ABLIM2: variants seen among roughly 807,000 people sequenced by gnomAD.
ABLIM2 encodes the protein actin-binding LIM protein 2.
Under a neutral mutation model 97.7 loss-of-function variants are expected in ABLIM2, and 53 were observed. The ratio of observed to expected loss-of-function variants is 0.54; its 90% CI spans 0.44 to 0.68. The LOEUF is 0.68. ABLIM2 is among the 30% of genes least tolerant of loss of function. ABLIM2 has a pLI of 0.00. For synonymous variants in ABLIM2, 361 were observed against 345.8 expected (o/e 1.04, Z -0.49); for missense variants, 835 against 867.2 (o/e 0.96, Z 0.47).
rs879430956 is a variant in ABLIM2, at chr4:8,140,511, CG to C, written c.10+18168del. 1.3e-5 allele frequency among the ~76,000 whole-genome samples: 2 copies of C among 151,948 alleles called. No individual in the cohort carries two copies. Among genetic ancestry groups the C allele is most frequent in the Non-Finnish European group, 2.9e-5 (2 of 67,988 alleles). On this transcript the variant is annotated intron_variant, in intron 1 of 20. Coordinates refer to ENST00000447017, the MANE Select transcript of ABLIM2 (RefSeq NM_001130083.2). The surrounding 1 kb of genome is among the most constrained non-coding windows in gnomAD (Gnocchi z 5.9). ...GCATGGGGGAAAGGGGGCAGTGACA[CG>C]GGGGCCTTGCCTGCATGTGGGAGCC...
rs548260137 is a variant in ABLIM2, at chr4:8,081,762, A to T, written c.455-960T>A. On this transcript the variant is annotated intron_variant, in intron 4 of 20. Transcript: ENST00000447017. ...GGCAGAGCGGCAGAGACGCTGTGAC[A>T]GCATCCCCAAGGGAAAGGGCCTCTC... is the stretch of plus-strand genomic sequence containing the variant. Among the ~76,000 whole-genome samples the T allele has an allele frequency of 5.6e-4, 85 of 152,288 alleles. No individual in the cohort carries two copies. In the Middle Eastern group the frequency reaches 0.02, roughly 37 times the overall value.
intron 9 of ABLIM2, among the ~76,000 whole-genome samples, chr4:8,040,352 T>C (rs964684378): frequency 1.3e-5 from 2 of 152,180 alleles, no homozygotes; most frequent in Non-Finnish European, 2.9e-5. Context: ...GGCTCACACC[T>C]GTACCCCCAG....
chr4:8,116,036 G>T (rs1435160546), intron 1 of ABLIM2, among the ~76,000 whole-genome samples: 1 of 152,220 alleles, frequency 6.6e-6, no homozygotes, highest in Non-Finnish European at 1.5e-5. Flanking sequence ...GCCTGTGGAG[G>T]ATTCTGGCTC....
rs1004928757 is a variant in ABLIM2, at chr4:7,986,005, C to T, written c.1681-1112G>A. 1.3e-5 allele frequency among the ~76,000 whole-genome samples: 2 copies of T among 152,226 alleles called. No individual in the cohort carries two copies. The highest frequency in any genetic ancestry group is 2.4e-5 in the African/African-American group (1 of 41,464). Reference sequence around the variant, plus strand: ...TTCGCACTATGAGCCCTGAGCCATGCTCTGTTGCGGTTGTGCCTTGGCTGC... The same window carrying T: ...TTCGCACTATGAGCCCTGAGCCATGTTCTGTTGCGGTTGTGCCTTGGCTGC... On this transcript the variant is annotated intron_variant, in intron 17 of 20. Transcript: ENST00000447017. This position sits in a 1 kb window ranked among gnomAD's most constrained non-coding sequence, Gnocchi z 4.3.
chr4:8,088,464 C>A (rs1377336198), intron 3 of ABLIM2, among the ~76,000 whole-genome samples, 180 bp from the exon 4 acceptor site: 1 of 152,176 alleles, frequency 6.6e-6, no homozygotes, highest in South Asian at 2.1e-4. Flanking sequence ...CGCAATAGGA[C>A]CTCAGGTAGT....
chr4:8,101,344 T>C (rs1834502310), intron 2 of ABLIM2, among the ~76,000 whole-genome samples: 1 of 152,350 alleles, frequency 6.6e-6, no homozygotes, highest in African/African-American at 2.4e-5. Flanking sequence ...ACTCGTGCCC[T>C]GTGCGGCTTA....
At position 8,088,271 on chromosome 4, in the gene ABLIM2, G is replaced by A. The variant is rs752791661; in HGVS notation, c.352C>T (p.Pro118Ser). The change falls in exon 4 of 21, where the codon CCC (proline) becomes TCC (serine). Residue 118 changes from proline to serine, a missense_variant. By Grantham distance (74) the Pro-to-Ser change is moderately conservative (BLOSUM62 -1). Coordinates refer to ENST00000447017, the MANE Select transcript of ABLIM2 (RefSeq NM_001130083.2). ...VCAVCRLPFPPGDRVTFNGKE... is the reference protein window; with the variant it reads ...VCAVCRLPFPSGDRVTFNGKE... Reference sequence around the variant, plus strand: ...CCGTTGAAGGTCACTCGGTCCCCGGGGGGGAAGGGCAGCCTGAAACAAGAG... The same window carrying A: ...CCGTTGAAGGTCACTCGGTCCCCGGAGGGGAAGGGCAGCCTGAAACAAGAG... The A allele has an allele frequency of 6.2e-6, 10 of 1,612,668 alleles. No individual in the cohort carries two copies. Among genetic ancestry groups the A allele is most frequent in the South Asian group, 3.3e-5 (3 of 90,920 alleles).
At chr4:8,096,160 C>T (rs184391675) in intron 3 of ABLIM2, among the ~76,000 whole-genome samples, 13 of 152,280 alleles carry the variant, frequency 8.5e-5, no homozygotes, top group East Asian at 5.8e-4. Flanking sequence ...TCACAGGCCT[C>T]GCCTCGCTTA....
intron 14 of ABLIM2, among the ~76,000 whole-genome samples, chr4:8,016,249 G>T (rs539952199): frequency 6.6e-6 from 1 of 152,118 alleles, no homozygotes; most frequent in Non-Finnish European, 1.5e-5. Flanking sequence ...TTGCCATGTT[G>T]GCCAGGCTGG....
rs1488207922 is a variant in ABLIM2, at chr4:8,003,703, T to C, written c.1618+4356A>G. ...GCCTCAGCCTCCCAAGTAGCTGAGA[T>C]TACAGGTATCCTCCACCATGCCTGG... On this transcript the variant is annotated intron_variant, in intron 16 of 20. Transcript: ENST00000447017. The surrounding 1 kb of genome is among the most constrained non-coding windows in gnomAD (Gnocchi z 4.2). Among the ~76,000 whole-genome samples, 1 of 151,892 alleles carries C rather than the reference T, an allele frequency of 6.6e-6. No individual in the cohort carries two copies. The highest frequency in any genetic ancestry group is 2.4e-5 in the African/African-American group (1 of 41,334).
chr4:8,113,125 C>T lies in ABLIM2; in HGVS notation c.11-6488G>A, dbSNP rs1841179674. ...TTTTTCTTCTCCTGAGGCAGGGTCTCGCTCTGTCAACCAGGCTGGAGTGCA... is the reference window on the plus strand; with the variant it reads ...TTTTTCTTCTCCTGAGGCAGGGTCTTGCTCTGTCAACCAGGCTGGAGTGCA... On this transcript the variant is annotated intron_variant, in intron 1 of 20. Coordinates refer to ENST00000447017, the MANE Select transcript of ABLIM2 (RefSeq NM_001130083.2). The surrounding 1 kb of genome is among the most constrained non-coding windows in gnomAD (Gnocchi z 4.5). Among the ~76,000 whole-genome samples the T allele has an allele frequency of 6.6e-6, 1 of 152,144 alleles. No individual in the cohort carries two copies. The highest frequency in any genetic ancestry group is 2.4e-5 in the African/African-American group (1 of 41,428).
At position 8,022,282 on chromosome 4, in the gene ABLIM2, C is replaced by G. The variant is rs1401229853; in HGVS notation, c.1268-1979G>C. Among the ~76,000 whole-genome samples the G allele has an allele frequency of 6.6e-6, 1 of 152,188 alleles. No homozygotes were observed. Among genetic ancestry groups the G allele is most frequent in the Non-Finnish European group, 1.5e-5 (1 of 68,032 alleles). Reference sequence around the variant, plus strand: ...AATCATGGCCCCTGATCTGCCTCAGCCCCCACTCAGTGGGCCGAGGATCTA... The same window carrying G: ...AATCATGGCCCCTGATCTGCCTCAGGCCCCACTCAGTGGGCCGAGGATCTA... On this transcript the variant is annotated intron_variant, in intron 12 of 20. Coordinates refer to ENST00000447017, the MANE Select transcript of ABLIM2 (RefSeq NM_001130083.2). The surrounding 1 kb of genome is among the most constrained non-coding windows in gnomAD (Gnocchi z 7.8).
intron 5 of ABLIM2, among the ~76,000 whole-genome samples, chr4:8,079,452 C>T (rs13114977): frequency 2.9e-4 from 44 of 152,294 alleles, no homozygotes; most frequent in South Asian, 8.3e-4. Flanking sequence ...TGCACCACAC[C>T]GGGCGGTCCC....
At position 8,158,633 on chromosome 4, in the gene ABLIM2, G is replaced by A. The variant is rs1716212375; in HGVS notation, c.10+47C>T. On this transcript the variant is annotated intron_variant, in intron 1 of 20. Coordinates refer to ENST00000447017, the MANE Select transcript of ABLIM2 (RefSeq NM_001130083.2). ...AATGCCACCCAGCCCTTGCGGCGCC[G>A]CGAGCCAGCGCGGGGACCCGTTGGT... 7 of 1,504,600 alleles carry A rather than the reference G, an allele frequency of 4.7e-6. No individual in the cohort carries two copies. In the Admixed American group the frequency reaches 1.5e-4, roughly 31 times the overall value. 93.2% of individuals were successfully genotyped at this position (1,504,600 alleles called of 1,614,324 possible).
chr4:8,077,965 C>A (rs1817336153), intron 5 of ABLIM2, among the ~76,000 whole-genome samples: 1 of 152,240 alleles, frequency 6.6e-6, no homozygotes, highest in African/African-American at 2.4e-5. Flanking sequence ...GCCAGACCAC[C>A]TGCCCAGTGG....
rs1015979059 is a variant in ABLIM2 at position 8,067,533 on chromosome 4, C to T, written c.676-6479G>A. 3.3e-5 allele frequency: 5 copies of T among 152,280 alleles called. No individual in the cohort carries two copies. The highest frequency in any genetic ancestry group is 1.2e-4 in the African/African-American group (5 of 41,456). The allele number at this position is 152,280 out of a possible 1,614,324, so 9.4% of individuals were successfully genotyped here. ...CAGGGGCAGCCGGCACCCTCACTCA[C>T]AGTTCGGGCCACTCATAAAGTATGA... On this transcript the variant is annotated intron_variant, in intron 6 of 20. Transcript: ENST00000447017. The surrounding 1 kb of genome is among the most constrained non-coding windows in gnomAD (Gnocchi z 5.4).
intron 4 of ABLIM2, among the ~76,000 whole-genome samples, chr4:8,081,645 T>G (rs940599165): frequency 6.6e-6 from 1 of 152,186 alleles, no homozygotes. Flanking sequence ...AGTATGTGGA[T>G]GTGTCTTATG....
chr4:8,059,829 C>T (rs1020963279), intron 7 of ABLIM2, among the ~76,000 whole-genome samples: 2 of 151,264 alleles, frequency 1.3e-5, no homozygotes, highest in African/African-American at 4.9e-5. Flanking sequence ...TTGCTTGAAC[C>T]CAGGAGGTGG....
chr4:7,976,360 A>C (rs1733036641), intron 20 of ABLIM2, among the ~76,000 whole-genome samples: 1 of 152,208 alleles, frequency 6.6e-6, no homozygotes, highest in South Asian at 2.1e-4. Context: ...GCTTTGCCCC[A>C]GACCCAAATG....
Sources: allele counts gnomAD v4.1 joint callset (sites outside exome capture counted in the v4.1 genomes callset), GRCh38; gene constraint gnomAD v4.1.1; non-coding constraint Gnocchi (gnomAD v3.1); transcripts MANE v1.5; gene names NCBI Gene and HGNC (gene_info 2026-07-23, HGNC 2026-07-21).